Variants in AKAP13 observed in about 807,000 individuals in gnomAD.
AKAP13 encodes A-kinase anchor protein 13.
In AKAP13, 80 loss-of-function variants were observed where a neutral mutation model predicts 264.5. That is an observed-to-expected ratio of 0.30 (90% CI 0.25 to 0.36). The LOEUF is 0.36. Among genes scored for constraint, AKAP13 ranks in the 10% least tolerant of loss-of-function variants. The pLI is 1.00. For synonymous variants in AKAP13, 1,380 were observed against 1,250.2 expected (o/e 1.10, Z -2.19); for missense variants, 3,712 against 3,435.2 (o/e 1.08, Z -2.01).
At chr15:85,500,674 C>G (rs967667911) in intron 2 of AKAP13, among the ~76,000 whole-genome samples, 1 of 152,162 alleles carries the variant, frequency 6.6e-6, no homozygotes, top group African/African-American at 2.4e-5. Flanking sequence ...ACACATTTCC[C>G]CCCCAGAGAT....
chr15:85,557,356 T>C (rs1303092785), intron 5 of AKAP13, among the ~76,000 whole-genome samples: 2 of 152,236 alleles, frequency 1.3e-5, no homozygotes, highest in African/African-American at 4.8e-5. Flanking sequence ...TACAGCTTTT[T>C]ACAATCGTTT....
In AKAP13 at chr15:85,469,060, G is replaced by A. The variant is rs181741293; in HGVS notation, c.-11-16650G>A. Among the ~76,000 whole-genome samples, 7 of 137,636 alleles carry A rather than the reference G, an allele frequency of 5.1e-5. 1 individual carries two copies. The highest frequency in any genetic ancestry group is 1.6e-4 in the Admixed American group (2 of 12,580). 90.3% of individuals were successfully genotyped at this position (137,636 alleles called of 152,430 possible). On this transcript the variant is annotated intron_variant, in intron 1 of 36. Coordinates refer to ENST00000394518, the MANE Select transcript of AKAP13 (RefSeq NM_007200.5). ...CTCCCCAGTAGCTTGGACTACAGGCGTGCACCACCACGCCCAGCTAATTTT... is the reference window on the plus strand; with the variant it reads ...CTCCCCAGTAGCTTGGACTACAGGCATGCACCACCACGCCCAGCTAATTTT...
chr15:85,636,890 CA>C (rs1229682836), intron 8 of AKAP13, among the ~76,000 whole-genome samples: 2 of 152,248 alleles, frequency 1.3e-5, no homozygotes, highest in East Asian at 3.8e-4. Context: ...GCTGGGATTA[CA>C]GGCATGAGCC....
chr15:85,599,945 T>C (rs1207440566), intron 8 of AKAP13, among the ~76,000 whole-genome samples: 2 of 152,198 alleles, frequency 1.3e-5, no homozygotes, highest in African/African-American at 4.8e-5. Flanking sequence ...AGTCACCCTA[T>C]TGGTTAGATA....
intron 1 of AKAP13, among the ~76,000 whole-genome samples, chr15:85,385,687 A>C: frequency 6.6e-6 from 1 of 152,148 alleles, no homozygotes; most frequent in Middle Eastern, 3.2e-3. Context: ...GTATCTTTTC[A>C]TCTGATTATT....
chr15:85,436,889 A>G (rs1261853361), intron 1 of AKAP13, among the ~76,000 whole-genome samples: 1 of 152,162 alleles, frequency 6.6e-6, no homozygotes, highest in Non-Finnish European at 1.5e-5. Flanking sequence ...TTGACACCCT[A>G]ACATCACAAT....
At chr15:85,520,521 AAG>A in intron 2 of AKAP13, 93 of 332,742 alleles carry the variant, frequency 2.8e-4, no homozygotes, top group Middle Eastern at 5.3e-4. Flanking sequence ...AAAAAAAAAA[AAG>A]CAACTGAAAG....
At chr15:85,701,417 G>C (rs189340723) in intron 17 of AKAP13, among the ~76,000 whole-genome samples, 2 of 152,158 alleles carry the variant, frequency 1.3e-5, no homozygotes, top group Admixed American at 6.5e-5. Flanking sequence ...AGGAAAAAGA[G>C]TTAACATATT....
chr15:85,507,542 A>G (rs1480075010), intron 2 of AKAP13, among the ~76,000 whole-genome samples: 1 of 152,238 alleles, frequency 6.6e-6, no homozygotes, highest in African/African-American at 2.4e-5. Context: ...GTTGTATGGC[A>G]TGAAGCTGAC....
intron 13 of AKAP13, among the ~76,000 whole-genome samples, chr15:85,666,651 T>G (rs2083619942): frequency 6.6e-6 from 1 of 152,238 alleles, no homozygotes; most frequent in Non-Finnish European, 1.5e-5. Flanking sequence ...CCAGTTCAAG[T>G]GATCCTTCTG....
rs763450097 is a variant in AKAP13 at position 85,445,830 on chromosome 15, AT to A, written c.-11-39875del. 7.9e-5 allele frequency among the ~76,000 whole-genome samples: 12 copies of A among 152,128 alleles called. No homozygotes were observed. In the South Asian group the frequency reaches 2.3e-3, roughly 29 times the overall value. On this transcript the variant is annotated intron_variant, in intron 1 of 36. Coordinates refer to ENST00000394518, the MANE Select transcript of AKAP13 (RefSeq NM_007200.5). ...TATTTTTAATTCTTAAGGTAATTTTATTTTTAATTTCTATGGATACATAATT... is the reference window on the plus strand; with the variant it reads ...TATTTTTAATTCTTAAGGTAATTTTATTTTAATTTCTATGGATACATAATT...
chr15:85,574,278 A>G (rs2151296521), intron 5 of AKAP13, among the ~76,000 whole-genome samples: 2 of 152,264 alleles, frequency 1.3e-5, no homozygotes, highest in Middle Eastern at 6.8e-3. Flanking sequence ...TGTATGCCCC[A>G]AGATTCTTTC....
chr15:85,385,109 A>G (rs2070487519), intron 1 of AKAP13, among the ~76,000 whole-genome samples: 2 of 152,354 alleles, frequency 1.3e-5, no homozygotes, highest in Non-Finnish European at 2.9e-5. Flanking sequence ...AGTAGTTACA[A>G]CAGAGACCAT....
chr15:85,705,798 CA>C (rs1211611974), intron 17 of AKAP13, among the ~76,000 whole-genome samples: 1 of 136,168 alleles, frequency 7.3e-6, no homozygotes, highest in Non-Finnish European at 1.6e-5. Flanking sequence ...TTCCCTGCCC[CA>C]TGCATCTTCC....
At chr15:85,640,603 G>C (rs2082264069) in intron 9 of AKAP13, among the ~76,000 whole-genome samples, 1 of 152,172 alleles carries the variant, frequency 6.6e-6, no homozygotes, top group African/African-American at 2.4e-5. Flanking sequence ...CAGGGTCCAA[G>C]TTTTACAAGA....
chr15:85,642,154 A>T (rs1437640304), intron 9 of AKAP13, among the ~76,000 whole-genome samples: 1 of 152,220 alleles, frequency 6.6e-6, no homozygotes, highest in East Asian at 1.9e-4. Flanking sequence ...CCTTAACTTC[A>T]TTAGACACAT....
Position 85,741,367 on chromosome 15 carries a change from A to G in AKAP13, c.7930A>G (p.Lys2644Glu). Residue 2644 changes from lysine to glutamate, a missense_variant, in exon 35 of 37, where the codon AAG (lysine) becomes GAG (glutamate). By Grantham distance (56) the Lys-to-Glu change is moderately conservative. Around this residue, in one of 3 missense-constraint regions of AKAP13, gnomAD observed 611 missense variants for 539.3 expected, o/e 1.13. Transcript: ENST00000394518. ...GGAGCGGGAGGAGCTCCAGCAGAAG[A>G]AGGGCACATACCAGTATGACCTGGA... is the stretch of plus-strand genomic sequence containing the variant. ...EKEREELQQK[K>E]GTYQYDLERL... The G allele has an allele frequency of 1.9e-6, 3 of 1,614,088 alleles. No individual in the cohort carries two copies. Among genetic ancestry groups the G allele is most frequent in the South Asian group, 1.1e-5 (1 of 91,074 alleles).
At chr15:85,645,267 C>G (rs1036677015) in intron 9 of AKAP13, among the ~76,000 whole-genome samples, 6 of 152,184 alleles carry the variant, frequency 3.9e-5, no homozygotes, top group Admixed American at 3.3e-4. Flanking sequence ...GGTCCCTGTT[C>G]TAGTTATTGA....
chr15:85,472,371 C>T (rs920210096), intron 1 of AKAP13, among the ~76,000 whole-genome samples: 1 of 151,142 alleles, frequency 6.6e-6, no homozygotes, highest in Non-Finnish European at 1.5e-5. Flanking sequence ...GACAACAACT[C>T]AACAAATTTT....
Sources: allele counts gnomAD v4.1 joint callset (sites outside exome capture counted in the v4.1 genomes callset), GRCh38; gene constraint gnomAD v4.1.1; regional missense constraint gnomAD v4.1.1; transcripts MANE v1.5; gene names NCBI Gene and HGNC (gene_info 2026-07-23, HGNC 2026-07-21).